ALG3: variants seen among roughly 807,000 people sequenced by gnomAD.
ALG3 encodes dol-P-Man:Man(5)GlcNAc(2)-PP-Dol alpha-1,3-mannosyltransferase.
Under a neutral mutation model 50.5 loss-of-function variants are expected in ALG3, and 39 were observed. The ratio of observed to expected loss-of-function variants is 0.77; its 90% CI spans 0.60 to 1.01. The LOEUF (loss-of-function observed/expected upper bound fraction) is 1.01. Among genes scored for constraint, ALG3 ranks in the 50% least tolerant of loss-of-function variants. The pLI, the probability that ALG3 is intolerant of heterozygous loss-of-function variation, is 0.00. For synonymous variants in ALG3, 252 were observed against 237.2 expected (o/e 1.06, Z -0.58); for missense variants, 520 against 554.8 (o/e 0.94, Z 0.63).
rs752838444 is a variant in ALG3, at chr3:184,245,113, C to T, written c.605+85G>A. On this transcript the variant is annotated intron_variant, in intron 4 of 8. Transcript: ENST00000397676. The stretch of plus-strand genomic sequence containing the variant: ...TGAGTGACCCATGCTGTCTTGGCTA[C>T]TCCTTTACTCCCTCTGCTGCAGGAA... 16 of 1,546,702 alleles carry T rather than the reference C, an allele frequency of 1.0e-5. No homozygotes were observed. In the South Asian group the frequency reaches 1.5e-4, roughly 15 times the overall value.
rs1386113005 is a variant in ALG3 at position 184,243,574 on chromosome 3, G to A, written c.989C>T (p.Pro330Leu). ...GATATGGTTGGGTGTAAGGGGCTGG[G>A]GTGGAACCTTCCTTTTGGAGGGATC... ...LRDPSKRKVP[P>L]QPLTPNQIVS... Residue 330 changes from proline (P) to leucine (L), a missense_variant, in exon 7 of 9, where the codon CCC (proline) becomes CTC (leucine). Physicochemically the swap from Pro to Leu is moderately conservative, Grantham distance 98. Coordinates refer to ENST00000397676, the MANE Select transcript of ALG3 (RefSeq NM_005787.6). The A allele has an allele frequency of 3.7e-6, 6 of 1,613,742 alleles. No homozygotes were observed. Among genetic ancestry groups the A allele is most frequent in the Non-Finnish European group, 4.2e-6 (5 of 1,179,866 alleles).
At chr3:184,248,689 T>C (rs1344931508) in intron 1 of ALG3, 56 bp downstream of exon 1, 1 of 1,466,696 alleles carries the variant, frequency 6.8e-7, no homozygotes, top group African/African-American at 1.4e-5. Flanking sequence ...AGATCCAGTT[T>C]GGGTCGCGGG....
At chr3:184,249,472 C>T (rs2108445928), upstream of ALG3, 1 of 751,344 alleles carries the variant, frequency 1.3e-6, no homozygotes, top group East Asian at 2.7e-5. Flanking sequence ...GAGTGCGGCC[C>T]TAGGAAATGA....
chr3:184,249,282 G>A (rs780794001), upstream of ALG3: 73 of 1,609,996 alleles, frequency 4.5e-5, no homozygotes, highest in Non-Finnish European at 5.8e-5. Context: ...GAACATCTGT[G>A]TTCATGCTGT....
At chr3:184,244,113 C>T (rs1171216542) in intron 5 of ALG3, 117 bp from the exon 6 acceptor site, 1 of 1,051,836 alleles carries the variant, frequency 9.5e-7, no homozygotes, top group African/African-American at 1.6e-5. Flanking sequence ...TCCCCAATTC[C>T]CACTAGAAAT....
chr3:184,248,511 TG>T (rs1175875668), intron 1 of ALG3, among the ~76,000 whole-genome samples: 1 of 152,152 alleles, frequency 6.6e-6, no homozygotes, highest in East Asian at 1.9e-4. Context: ...GTTTGCAGGC[TG>T]TAAGTTCAGT....
At chr3:184,245,022 G>C (rs1427587833) in intron 4 of ALG3, 176 bp downstream of exon 4, 2 of 875,688 alleles carry the variant, frequency 2.3e-6, no homozygotes, top group Non-Finnish European at 3.7e-6. Flanking sequence ...AAGAGGGCAT[G>C]TGTGTATGTT....
chr3:184,249,119 G>A (rs1013782329), upstream of ALG3: 7 of 1,488,330 alleles, frequency 4.7e-6, no homozygotes, highest in Non-Finnish European at 6.4e-6. Context: ...TGCACTCCAC[G>A]CTCCATAGGA....
chr3:184,244,137 C>T (rs1182165406), intron 5 of ALG3, 141 bp from the exon 6 acceptor site: 23 of 854,108 alleles, frequency 2.7e-5, no homozygotes, highest in South Asian at 7.2e-5. Flanking sequence ...AGGAAAACCA[C>T]GTTCCCCACC....
Position 184,242,548 on chromosome 3 carries a change from G to C in ALG3, c.1283C>G (p.Pro428Arg). Reference protein sequence around the residue: ...LQLWLGPQPFPKSTQHSKKAH With the variant: ...LQLWLGPQPFRKSTQHSKKAH ...TTTCTTGCTGTGTTGGGTGCTCTTGGGGAAAGGCTGCGGGCCCAGCCAGAG... is the reference window on the plus strand; with the variant it reads ...TTTCTTGCTGTGTTGGGTGCTCTTGCGGAAAGGCTGCGGGCCCAGCCAGAG... The change falls in exon 9 of 9, where the codon CCC becomes CGC. Residue 428 changes from proline (P) to arginine (R), a missense_variant. By Grantham distance (103) the Pro-to-Arg change is moderately radical (BLOSUM62 -2). This residue lies in a region of ALG3 where 224 missense variants were observed against 272.8 expected (regional missense o/e 0.82). Coordinates refer to ENST00000397676, the MANE Select transcript of ALG3 (RefSeq NM_005787.6). 1 of 1,609,836 alleles carries C rather than the reference G, an allele frequency of 6.2e-7. No individual in the cohort carries two copies. The highest frequency in any genetic ancestry group is 8.5e-7 in the Non-Finnish European group (1 of 1,177,534).
rs573414976 is a variant in ALG3 at position 184,242,589 on chromosome 3, G to A, written c.1242C>T (p.Ala414=). The A allele has an allele frequency of 1.8e-4, 283 of 1,604,308 alleles. 1 individual carries two copies. The highest frequency in any genetic ancestry group is 4.0e-4 in the East Asian group (18 of 44,722). Residue 414 remains alanine (A), a synonymous_variant, in exon 9 of 9, where the codon GCC becomes GCT. Transcript: ENST00000397676. ...CSSAALHICH[A]VILLQLWLGP... The stretch of plus-strand genomic sequence containing the variant: ...CCAGCCAGAGCTGCAGCAGGATGAC[G>A]GCATGGCATATGTGCAGGGCAGCAG...
upstream of ALG3, chr3:184,249,171 G>A (rs1368666440): frequency 8.2e-6 from 13 of 1,590,534 alleles, no homozygotes; most frequent in African/African-American, 2.7e-5. Context: ...CCCAGCCCTG[G>A]GTACACAGGC....
chr3:184,243,462 G>A (rs546176781), intron 7 of ALG3, 92 bp downstream of exon 7: 53 of 1,246,834 alleles, frequency 4.3e-5, no homozygotes, highest in South Asian at 1.1e-4. Context: ...CCCTTTCCTC[G>A]CCCAGGTCAC....
At chr3:184,248,355 A>AT (rs1008747061) in intron 1 of ALG3, among the ~76,000 whole-genome samples, 1 of 152,230 alleles carries the variant, frequency 6.6e-6, no homozygotes, top group African/African-American at 2.4e-5. Flanking sequence ...AGATGCCATC[A>AT]TTGAGAAGGG....
chr3:184,244,795 CCCA>C, intron 4 of ALG3, 74 bp from the exon 5 acceptor site: 1 of 1,530,282 alleles, frequency 6.5e-7, no homozygotes. Flanking sequence ...AGACATACCC[CCCA>C]CCATCACCAC....
Position 184,246,763 on chromosome 3 carries a change from G to A in ALG3, c.197-951C>T, listed in dbSNP as rs149273841. Among the ~76,000 whole-genome samples the A allele has an allele frequency of 6.7e-4, 95 of 141,228 alleles. No individual in the cohort carries two copies. In the East Asian group the frequency reaches 0.013, roughly 19 times the overall value. 92.7% of individuals were successfully genotyped at this position (141,228 alleles called of 152,430 possible). A position where few individuals can be genotyped will look rare whatever the true frequency, so the allele number is the denominator to read the frequency against. On this transcript the variant is annotated intron_variant, in intron 1 of 8. Transcript: ENST00000397676. ...ACGATCTCAGCTCACTGCAACCTCC[G>A]CCTCCCGGGTTCAAGTGATTCTCCT...
intron 8 of ALG3, 24 bp from the exon 9 acceptor site, chr3:184,242,700 C>T (rs761463872): frequency 9.6e-6 from 15 of 1,564,458 alleles, no homozygotes; most frequent in East Asian, 4.5e-5. Flanking sequence ...ACAGGTTCCA[C>T]GTTTCATCCA....
upstream of ALG3, chr3:184,249,467 C>T (rs1719405567): frequency 2.7e-6 from 2 of 751,446 alleles, no homozygotes; most frequent in East Asian, 2.7e-5. Context: ...ACCTTGAGTG[C>T]GGCCCTAGGA....
chr3:184,245,632 A>G lies in ALG3; in HGVS notation c.297-17T>C. ...GCTGGGTACCTGGAAGATGAGAGAA[A>G]ATGTGAGCCTGGGTCAGGTCACACA... On this transcript the variant is annotated splice_polypyrimidine_tract_variant and intron_variant, in intron 2 of 8. Coordinates refer to ENST00000397676, the MANE Select transcript of ALG3 (RefSeq NM_005787.6). 1.9e-6 allele frequency: 3 copies of G among 1,612,196 alleles called. No individual in the cohort carries two copies. Among genetic ancestry groups the G allele is most frequent in the Non-Finnish European group, 2.5e-6 (3 of 1,179,054 alleles).
Sources: allele counts gnomAD v4.1 joint callset (sites outside exome capture counted in the v4.1 genomes callset), GRCh38; gene constraint gnomAD v4.1.1; regional missense constraint gnomAD v4.1.1; transcripts MANE v1.5; gene names NCBI Gene and HGNC (gene_info 2026-07-23, HGNC 2026-07-21).